The following RARB variants were observed in gnomAD, a reference collection of about 807,000 sequenced individuals.
RARB encodes HBV-activated protein.
A neutral mutation model predicts 51.9 loss-of-function variants in RARB; 17 were observed. The ratio of observed to expected loss-of-function variants is 0.33; its 90% confidence interval spans 0.22 to 0.49. RARB has a LOEUF of 0.49. Among genes scored for constraint, RARB ranks in the 20% least tolerant of loss-of-function variants. RARB has a pLI of 0.99. For synonymous variants in RARB, 215 were observed against 195.4 expected (o/e 1.10, Z -0.84); for missense variants, 369 against 550.8 (o/e 0.67, Z 3.30).
At chr3:25,245,550 C>A (rs1169677257) in intron 5 of RARB, among the ~76,000 whole-genome samples, 1 of 152,112 alleles carries the variant, frequency 6.6e-6, no homozygotes, top group African/African-American at 2.4e-5. Flanking sequence ...TTTAGTTCTT[C>A]TTCACTTATG....
At chr3:25,097,246 C>T (rs1699312804) in intron 3 of RARB, among the ~76,000 whole-genome samples, 1 of 152,016 alleles carries the variant, frequency 6.6e-6, no homozygotes, top group East Asian at 1.9e-4. Flanking sequence ...TGGAGGTGAA[C>T]CAAACACTAT....
rs569627425 is a variant in RARB at position 25,347,263 on chromosome 3, G to A, written c.179-113930G>A. Among the ~76,000 whole-genome samples the A allele has an allele frequency of 5.9e-5, 9 of 152,302 alleles. No homozygotes were observed. In the South Asian group the frequency reaches 1.9e-3, roughly 32 times the overall value. ...CTAAGGTGTAAGGGAGTTCTGAAAT[G>A]ATGCAATGTGGAATGCAAATTCAGT... On this transcript the variant is annotated intron_variant, in intron 5 of 11. Transcript: ENST00000383772.
chr3:24,980,086 G>A (rs745925920), intron 2 of RARB, among the ~76,000 whole-genome samples: 1 of 152,100 alleles, frequency 6.6e-6, no homozygotes, highest in Non-Finnish European at 1.5e-5. Flanking sequence ...TAAGAATGTC[G>A]AATATTGGCC....
At chr3:25,265,272 T>C (rs1703097858) in intron 5 of RARB, among the ~76,000 whole-genome samples, 1 of 152,190 alleles carries the variant, frequency 6.6e-6, no homozygotes, top group South Asian at 2.1e-4. Context: ...ATTGCTTAAT[T>C]ATTTTCATGG....
intron 5 of RARB, among the ~76,000 whole-genome samples, chr3:25,202,940 GTCTATTAGGTCTGCT>G (rs1391370389): frequency 4.6e-5 from 7 of 152,198 alleles, no homozygotes; most frequent in Non-Finnish European, 1.0e-4. Flanking sequence ...TTCTGTAGAT[GTCTATTAGGTCTGCT>G]TGGTGCAGAG....
At chr3:25,125,222 G>A (rs1699842576) in intron 3 of RARB, among the ~76,000 whole-genome samples, 1 of 152,184 alleles carries the variant, frequency 6.6e-6, no homozygotes, top group African/African-American at 2.4e-5. Context: ...AGTTTAATCA[G>A]GGCATCTGAA....
chr3:24,958,752 G>C (rs1018152811), intron 2 of RARB, among the ~76,000 whole-genome samples: 1 of 152,198 alleles, frequency 6.6e-6, no homozygotes, highest in African/African-American at 2.4e-5. Flanking sequence ...TGTCTGATGA[G>C]ATAAGTCTTT....
At chr3:25,427,117 A>G (rs886117455), upstream of RARB, among the ~76,000 whole-genome samples, 1 of 152,152 alleles carries the variant, frequency 6.6e-6, no homozygotes, top group Admixed American at 6.5e-5. Flanking sequence ...CAACATGGCT[A>G]TTTGGGGTGC....
chr3:24,850,263 C>T lies in RARB; in HGVS notation c.-458-8411C>T, dbSNP rs1702539741. Among the ~76,000 whole-genome samples, 4 of 152,206 alleles carry T rather than the reference C, an allele frequency of 2.6e-5. No individual in the cohort carries two copies. In the South Asian group the frequency reaches 6.2e-4, roughly 24 times the overall value. On this transcript the variant is annotated intron_variant, in intron 1 of 11. Coordinates refer to the RARB transcript ENST00000383772. The stretch of plus-strand genomic sequence containing the variant: ...AATTTTCAGACCATAGCAACAGTCA[C>T]CCATTTACTCATGTAGTCTCTAAGG...
intron 5 of RARB, among the ~76,000 whole-genome samples, chr3:25,327,069 T>A (rs1055702447): frequency 3.9e-5 from 6 of 152,002 alleles, no homozygotes; most frequent in African/African-American, 1.5e-4. Flanking sequence ...AATTCCCACC[T>A]ATAAGTGAGA....
intron 5 of RARB, among the ~76,000 whole-genome samples, chr3:25,402,389 T>A (rs538128991): frequency 6.6e-6 from 1 of 152,244 alleles, no homozygotes; most frequent in Admixed American, 6.5e-5. Context: ...GGGAGAACAG[T>A]TTGGAGGTTC....
intron 5 of RARB, among the ~76,000 whole-genome samples, chr3:25,408,106 G>A (rs1008222906): frequency 2.0e-5 from 3 of 151,928 alleles, no homozygotes; most frequent in Admixed American, 2.0e-4. Flanking sequence ...CTGTTTCTGG[G>A]GGACCAAACC....
At chr3:25,442,163 TCTCA>T (rs1185340813) in intron 1 of RARB, among the ~76,000 whole-genome samples, 1 of 151,432 alleles carries the variant, frequency 6.6e-6, no homozygotes, top group Non-Finnish European at 1.5e-5. Context: ...TGAGACGGAG[TCTCA>T]CTCTGTTGCC....
intron 2 of RARB, among the ~76,000 whole-genome samples, chr3:25,467,567 C>T (rs750588265): frequency 6.8e-6 from 1 of 146,092 alleles, no homozygotes; most frequent in Non-Finnish European, 1.5e-5. Context: ...TTCTCACCCT[C>T]TGCTTGTATC....
intron 2 of RARB, among the ~76,000 whole-genome samples, chr3:25,046,753 C>T (rs1190960939): frequency 1.3e-5 from 2 of 152,080 alleles, no homozygotes; most frequent in Non-Finnish European, 2.9e-5. Context: ...CCACTCCTGG[C>T]CTATAATTGA....
intron 3 of RARB, among the ~76,000 whole-genome samples, chr3:25,083,719 G>A (rs1374678630): frequency 6.6e-6 from 1 of 152,134 alleles, no homozygotes; most frequent in Admixed American, 6.6e-5. Context: ...CATAGTAAAT[G>A]CTATGTTGTT....
intron 4 of RARB, among the ~76,000 whole-genome samples, chr3:25,570,567 AAGAG>A (rs1401732831): frequency 1.3e-5 from 2 of 152,298 alleles, no homozygotes; most frequent in East Asian, 3.9e-4. Context: ...ATTGGAAATA[AAGAG>A]AGGCAGGAAA....
intron 4 of RARB, among the ~76,000 whole-genome samples, chr3:25,163,502 AAAAT>A (rs1203416764): frequency 7.4e-5 from 4 of 54,004 alleles, no homozygotes; most frequent in African/African-American, 3.8e-4. Flanking sequence ...ACCCTATCTC[AAAAT>A]ATATATATAT....
chr3:25,150,884 A>G (rs1700276607), intron 4 of RARB, among the ~76,000 whole-genome samples: 1 of 152,224 alleles, frequency 6.6e-6, no homozygotes, highest in African/African-American at 2.4e-5. Context: ...TGGGAATAGT[A>G]ATGTACAAAC....
Sources: allele counts gnomAD v4.1 joint callset (sites outside exome capture counted in the v4.1 genomes callset), GRCh38; gene constraint gnomAD v4.1.1; transcripts MANE v1.5; gene names NCBI Gene and HGNC (gene_info 2026-07-23, HGNC 2026-07-21).